Variants in HDAC9 observed in about 807,000 individuals in gnomAD.
The protein encoded by HDAC9 is histone deacetylase 9, also known as MEF-2 interacting transcription repressor (MITR) protein.
A neutral mutation model predicts 139.4 loss-of-function variants in HDAC9; 41 were observed. That is an observed-to-expected ratio of 0.29 (90% CI 0.23 to 0.38). The LOEUF is 0.38. Among genes scored for constraint, HDAC9 ranks in the 10% least tolerant of loss-of-function variants. The pLI, the probability that HDAC9 is intolerant of heterozygous loss-of-function variation, is 1.00. For synonymous variants in HDAC9, 517 were observed against 476.2 expected, an observed-to-expected ratio of 1.09 and a Z score of -1.12; for missense variants, 1,147 against 1,297.0, an observed-to-expected ratio of 0.88 and a Z score of 1.78.
chr7:18,130,754 T>C (rs141580348), intron 1 of HDAC9, among the ~76,000 whole-genome samples: 101 of 152,260 alleles, frequency 6.6e-4, no homozygotes, highest in African/African-American at 2.2e-3. Context: ...TAATTTGTGA[T>C]CTTTTGTGTC....
chr7:18,846,572 C>T (rs958487741), intron 21 of HDAC9, among the ~76,000 whole-genome samples: 1 of 152,222 alleles, frequency 6.6e-6, no homozygotes. Context: ...GGTTTATAAA[C>T]TGTCACTTTC....
chr7:18,315,532 A>G (rs1347207806), intron 1 of HDAC9, among the ~76,000 whole-genome samples: 1 of 152,224 alleles, frequency 6.6e-6, no homozygotes, highest in African/African-American at 2.4e-5. Context: ...GCCTAAATAG[A>G]TGTCCAATTT....
chr7:18,188,494 C>T (rs1048252650), intron 2 of HDAC9, among the ~76,000 whole-genome samples: 2 of 152,098 alleles, frequency 1.3e-5, no homozygotes, highest in Non-Finnish European at 2.9e-5. Flanking sequence ...CCAAAATTGA[C>T]AAATGGGATC....
At chr7:18,124,335 T>C (rs1784531784) in intron 1 of HDAC9, among the ~76,000 whole-genome samples, 1 of 152,336 alleles carries the variant, frequency 6.6e-6, no homozygotes, top group East Asian at 1.9e-4. Context: ...GCTTTCCAAG[T>C]GGCTGTGTGA....
intron 12 of HDAC9, among the ~76,000 whole-genome samples, chr7:18,718,179 T>G (rs1479403285): frequency 6.6e-6 from 1 of 152,082 alleles, no homozygotes; most frequent in African/African-American, 2.4e-5. Flanking sequence ...CTCCATAAAT[T>G]TGTGTGTTCT....
At chr7:18,148,949 G>T (rs1451027230) in intron 1 of HDAC9, among the ~76,000 whole-genome samples, 2 of 152,056 alleles carry the variant, frequency 1.3e-5, no homozygotes, top group Admixed American at 6.6e-5. Flanking sequence ...GCAGGGGGAG[G>T]GTATTGTACC....
intron 1 of HDAC9, among the ~76,000 whole-genome samples, chr7:18,416,315 A>G (rs1382515970): frequency 6.6e-6 from 1 of 152,060 alleles, no homozygotes; most frequent in Non-Finnish European, 1.5e-5. Context: ...ACAAAAAACA[A>G]CAACAAAAAA....
intron 2 of HDAC9, among the ~76,000 whole-genome samples, chr7:18,504,567 A>G (rs773010601): frequency 7.9e-5 from 12 of 152,172 alleles, no homozygotes; most frequent in Non-Finnish European, 1.5e-4. Flanking sequence ...GGCCTCCCAA[A>G]CTGCTGGAAT....
intron 25 of HDAC9, among the ~76,000 whole-genome samples, chr7:18,993,677 C>G (rs1206130174): frequency 6.6e-6 from 1 of 152,004 alleles, no homozygotes; most frequent in Non-Finnish European, 1.5e-5. Context: ...GTGGCACATG[C>G]CTGTAGTCTC....
chr7:18,225,088 T>G (rs897232942), intron 2 of HDAC9, among the ~76,000 whole-genome samples: 3 of 152,224 alleles, frequency 2.0e-5, no homozygotes, highest in Non-Finnish European at 4.4e-5. Flanking sequence ...ACTTGTTGAT[T>G]TCTCTCTCTT....
intron 25 of HDAC9, among the ~76,000 whole-genome samples, chr7:18,990,197 G>T (rs566992438): frequency 1.3e-5 from 2 of 152,182 alleles, no homozygotes; most frequent in East Asian, 3.9e-4. Flanking sequence ...ATCTACTTTT[G>T]GTCTTTGATG....
At chr7:18,206,738 CT>C (rs1043979891) in intron 2 of HDAC9, among the ~76,000 whole-genome samples, 9 of 152,016 alleles carry the variant, frequency 5.9e-5, no homozygotes, top group African/African-American at 2.2e-4. Context: ...AAAAAATTCA[CT>C]TTTTGGAGGG....
Position 18,693,449 on chromosome 7 carries a change from T to A in HDAC9, c.1731+26973T>A, listed in dbSNP as rs184970793. On this transcript the variant is annotated intron_variant, in intron 12 of 25. Transcript: ENST00000686413. The stretch of plus-strand genomic sequence containing the variant: ...ATTTTTAGAGGACATATTTGGTGTG[T>A]TTGTTTAACTAAATATTCAATATGA... 3.3e-5 allele frequency among the ~76,000 whole-genome samples: 5 copies of A among 152,316 alleles called. No homozygotes were observed. In the East Asian group the frequency reaches 9.6e-4, roughly 29 times the overall value.
At chr7:18,948,188 T>C (rs1563078714) in intron 23 of HDAC9, among the ~76,000 whole-genome samples, 1 of 152,020 alleles carries the variant, frequency 6.6e-6, no homozygotes, top group African/African-American at 2.4e-5. Flanking sequence ...ACTGCTTCAT[T>C]TCAGCATTGT....
At chr7:18,762,700 T>C (rs17139854) in intron 15 of HDAC9, among the ~76,000 whole-genome samples, 7,643 of 152,272 alleles carry the variant, frequency 0.05, 599 homozygotes, top group African/African-American at 0.17. Context: ...ATAGTACAAC[T>C]TGTATTAAGT....
intron 23 of HDAC9, among the ~76,000 whole-genome samples, chr7:18,945,279 C>T (rs575782652): frequency 7.2e-4 from 109 of 152,288 alleles, no homozygotes; most frequent in African/African-American, 2.4e-3. Flanking sequence ...GACGCTAATG[C>T]GGTAAAGCAG....
chr7:18,590,023 T>A (rs549848218), intron 3 of HDAC9, among the ~76,000 whole-genome samples: 2 of 152,300 alleles, frequency 1.3e-5, no homozygotes, highest in South Asian at 4.1e-4. Flanking sequence ...CCTGTTTGTA[T>A]GTTCAAAGAA....
At chr7:18,948,313 A>T (rs1782547923) in intron 23 of HDAC9, among the ~76,000 whole-genome samples, 3 of 152,068 alleles carry the variant, frequency 2.0e-5, no homozygotes, top group Admixed American at 2.0e-4. Flanking sequence ...GTATGAAGAA[A>T]ATCTATTAAA....
chr7:18,100,394 A>G (rs1039697344), intron 1 of HDAC9, among the ~76,000 whole-genome samples: 1 of 152,158 alleles, frequency 6.6e-6, no homozygotes, highest in Admixed American at 6.6e-5. Context: ...GAATTTTTTT[A>G]GGAGTCCCTC....
Sources: gnomAD v4.1 joint callset for allele counts (sites outside exome capture counted in the v4.1 genomes callset) on GRCh38, gnomAD v4.1.1 for gene constraint, MANE v1.5 for transcripts, NCBI Gene and HGNC (gene_info 2026-07-23, HGNC 2026-07-21) for gene names.